FBXL2: variants seen among roughly 807,000 people sequenced by gnomAD.
FBXL2 encodes the protein F-box/LRR-repeat protein 2.
FBXL2 carries 38 observed loss-of-function variants against 69.2 expected under a neutral mutation model. The observed-to-expected ratio is 0.55, with a 90% CI of 0.42 to 0.72. FBXL2 has a LOEUF of 0.72. Ranked by LOEUF, FBXL2 falls within the 30% of genes least tolerant of loss-of-function variation. The pLI, the probability that FBXL2 is intolerant of heterozygous loss-of-function variation, is 0.00. For missense variants in FBXL2, 354 were observed against 520.3 expected, an observed-to-expected ratio of 0.68 and a Z score of 3.11; for synonymous variants, 192 against 201.3, an observed-to-expected ratio of 0.95 and a Z score of 0.39.
chr3:33,372,952 CTG>C (rs1287709880), intron 5 of FBXL2, 138 bp from the exon 6 acceptor site: 5 of 745,638 alleles, frequency 6.7e-6, no homozygotes, highest in Non-Finnish European at 9.6e-6. Flanking sequence ...AGAATCTGCA[CTG>C]TGACAAGAAC....
chr3:33,358,772 A>G (rs2041400945), intron 2 of FBXL2, among the ~76,000 whole-genome samples, 195 bp from the exon 3 acceptor site: 1 of 152,246 alleles, frequency 6.6e-6, no homozygotes. Context: ...TGTGTCCAAA[A>G]TAGCTTCTGA....
chr3:33,363,064 A>G (rs1411423663), intron 4 of FBXL2, among the ~76,000 whole-genome samples: 2 of 152,152 alleles, frequency 1.3e-5, no homozygotes, highest in African/African-American at 4.8e-5. Context: ...TTTATGAGAC[A>G]GAGTCTTGCT....
chr3:33,393,257 A>T, intron 12 of FBXL2: 1 of 1,506,700 alleles, frequency 6.6e-7, no homozygotes, highest in Non-Finnish European at 8.9e-7. Flanking sequence ...TTCTACAATT[A>T]CATGTATAAA....
intron 2 of FBXL2, among the ~76,000 whole-genome samples, chr3:33,350,633 A>G (rs990808652): frequency 1.3e-4 from 20 of 151,956 alleles, no homozygotes; most frequent in African/African-American, 4.8e-4. Flanking sequence ...ATGGGGTTTC[A>G]ACATATTGGG....
chr3:33,335,452 T>G (rs2039503404), intron 2 of FBXL2, among the ~76,000 whole-genome samples: 2 of 152,032 alleles, frequency 1.3e-5, no homozygotes, highest in Non-Finnish European at 2.9e-5. Context: ...AGTAAAATAT[T>G]TGACAGTAGC....
intron 2 of FBXL2, among the ~76,000 whole-genome samples, chr3:33,356,418 C>G (rs929158033): frequency 6.6e-6 from 1 of 152,002 alleles, no homozygotes; most frequent in East Asian, 1.9e-4. Context: ...TGGCGGATCT[C>G]GGCTCACTGC....
At chr3:33,303,533 T>C (rs1305473203) in intron 2 of FBXL2, among the ~76,000 whole-genome samples, 1 of 152,138 alleles carries the variant, frequency 6.6e-6, no homozygotes, top group African/African-American at 2.4e-5. Flanking sequence ...GCTTTTCTGA[T>C]AGGAAGGATA....
chr3:33,355,347 A>G (rs2041126680), intron 2 of FBXL2, among the ~76,000 whole-genome samples: 1 of 152,252 alleles, frequency 6.6e-6, no homozygotes, highest in African/African-American at 2.4e-5. Flanking sequence ...GAAATCCTAA[A>G]TAAATTTTGA....
intron 5 of FBXL2, chr3:33,372,198 G>T: frequency 6.5e-6 from 1 of 152,722 alleles, no homozygotes; most frequent in Non-Finnish European, 1.5e-5. Context: ...CCAAAGTGCT[G>T]GGATTACAGG....
intron 1 of FBXL2, among the ~76,000 whole-genome samples, chr3:33,281,924 T>A (rs2034055287): frequency 6.6e-6 from 1 of 152,342 alleles, no homozygotes; most frequent in Non-Finnish European, 1.5e-5. Flanking sequence ...TTATTTAAGT[T>A]ATTTGTAGAT....
upstream of FBXL2, chr3:33,277,203 T>C (rs1426907612): frequency 2.9e-6 from 1 of 344,802 alleles, no homozygotes; most frequent in Non-Finnish European, 5.1e-6. Context: ...AAAAAATCCA[T>C]GGTCTCTTTC....
At chr3:33,398,395 T>C (rs1357364181) in intron 12 of FBXL2, 1 of 152,252 alleles carries the variant, frequency 6.6e-6, no homozygotes, top group Non-Finnish European at 1.5e-5. Context: ...AGGCTCTCTT[T>C]CATCTCTCTA....
intron 4 of FBXL2, among the ~76,000 whole-genome samples, chr3:33,361,389 T>TA (rs2041618582): frequency 6.6e-6 from 1 of 152,106 alleles, no homozygotes; most frequent in Non-Finnish European, 1.5e-5. Flanking sequence ...CACATGCCTG[T>TA]AGTCCTGGCT....
At chr3:33,330,299 C>G (rs2039049227) in intron 2 of FBXL2, among the ~76,000 whole-genome samples, 1 of 149,692 alleles carries the variant, frequency 6.7e-6, no homozygotes, top group Admixed American at 6.6e-5. Flanking sequence ...AAAAAAAATG[C>G]TGATCTAATG....
At chr3:33,302,582 T>A (rs555110795) in intron 2 of FBXL2, among the ~76,000 whole-genome samples, 2 of 152,316 alleles carry the variant, frequency 1.3e-5, no homozygotes, top group East Asian at 3.9e-4. Context: ...ATACCTGCAG[T>A]AAACAGCTTA....
intron 2 of FBXL2, among the ~76,000 whole-genome samples, chr3:33,337,992 C>T (rs140042618): frequency 1.3e-5 from 2 of 152,282 alleles, no homozygotes; most frequent in East Asian, 3.9e-4. Flanking sequence ...ACATTTCATG[C>T]TCATGGATGG....
chr3:33,352,635 C>T (rs2040902781), intron 2 of FBXL2, among the ~76,000 whole-genome samples: 1 of 152,188 alleles, frequency 6.6e-6, no homozygotes, highest in Non-Finnish European at 1.5e-5. Context: ...GTGGCTCACG[C>T]CTGTAATCCC....
chr3:33,349,413 T>C (rs1385534536), intron 2 of FBXL2, among the ~76,000 whole-genome samples: 1 of 152,206 alleles, frequency 6.6e-6, no homozygotes, highest in Non-Finnish European at 1.5e-5. Context: ...ATTGATTGAT[T>C]TGCATATGTT....
chr3:33,300,375 A>G (rs968367787), intron 2 of FBXL2: 2 of 152,218 alleles, frequency 1.3e-5, no homozygotes, highest in Admixed American at 6.5e-5. Flanking sequence ...GCTGTTAGGA[A>G]TTCTGGAGGT....
Sources: gnomAD v4.1 joint callset for allele counts (sites outside exome capture counted in the v4.1 genomes callset) on GRCh38, gnomAD v4.1.1 for gene constraint, MANE v1.5 for transcripts, NCBI Gene and HGNC (gene_info 2026-07-23, HGNC 2026-07-21) for gene names.